The following STXBP4 variants were observed in gnomAD, a reference collection of about 807,000 sequenced individuals.
STXBP4 encodes the protein syntaxin binding protein 4.
Under a neutral mutation model 76.1 loss-of-function variants are expected in STXBP4, and 55 were observed. The ratio of observed to expected loss-of-function variants is 0.72; its 90% CI spans 0.58 to 0.91. The LOEUF (loss-of-function observed/expected upper bound fraction) is 0.91. Among genes scored for constraint, STXBP4 ranks in the 40% least tolerant of loss-of-function variants. STXBP4 has a pLI of 0.00. For missense variants in STXBP4, 618 were observed against 636.9 expected, an observed-to-expected ratio of 0.97 and a Z score of 0.32; for synonymous variants, 201 against 220.2, an observed-to-expected ratio of 0.91 and a Z score of 0.77.
chr17:55,047,563 A>G (rs1287926067), intron 12 of STXBP4, among the ~76,000 whole-genome samples: 1 of 151,822 alleles, frequency 6.6e-6, no homozygotes, highest in Non-Finnish European at 1.5e-5. Flanking sequence ...TTTTACATTT[A>G]TTTGTTAATA....
At chr17:55,057,365 C>G (rs2078939192) in intron 12 of STXBP4, among the ~76,000 whole-genome samples, 4 of 152,178 alleles carry the variant, frequency 2.6e-5, no homozygotes, top group South Asian at 4.1e-4. Context: ...ACTGATGACT[C>G]AATTTACGTG....
chr17:54,991,308 T>TTAGA (rs2077713687), intron 4 of STXBP4: 1 of 154,274 alleles, frequency 6.5e-6, no homozygotes, highest in Non-Finnish European at 1.4e-5. Context: ...CAGTAGAACT[T>TTAGA]TAATTACATT....
intron 8 of STXBP4, among the ~76,000 whole-genome samples, chr17:55,013,449 C>T (rs949619607): frequency 1.3e-5 from 2 of 152,156 alleles, no homozygotes; most frequent in African/African-American, 2.4e-5. Context: ...AATCCATATT[C>T]GGCAGAAGCC....
intron 1 of STXBP4, among the ~76,000 whole-genome samples, chr17:54,982,093 T>C (rs2077558550): frequency 6.6e-6 from 1 of 152,216 alleles, no homozygotes; most frequent in African/African-American, 2.4e-5. Context: ...GAGGGACATT[T>C]GGCAATTTGT....
At chr17:55,023,916 CAA>C (rs61454264) in intron 8 of STXBP4, among the ~76,000 whole-genome samples, 111 of 62,244 alleles carry the variant, frequency 1.8e-3, no homozygotes, top group Middle Eastern at 0.013. Context: ...GGCCCTTTTC[CAA>C]AAAAAAAAAA....
chr17:55,009,971 A>G (rs59792409), intron 8 of STXBP4, among the ~76,000 whole-genome samples: 5,183 of 152,020 alleles, frequency 0.034, 279 homozygotes, highest in African/African-American at 0.12. Flanking sequence ...GACAGATTCA[A>G]CTTTGTTGTC....
At chr17:55,022,013 G>A (rs375085969) in intron 8 of STXBP4, among the ~76,000 whole-genome samples, 2 of 152,044 alleles carry the variant, frequency 1.3e-5, no homozygotes, top group African/African-American at 4.8e-5. Context: ...AAAATTCATG[G>A]CAATCAATAG....
chr17:55,024,014 A>G (rs539414858), intron 8 of STXBP4, among the ~76,000 whole-genome samples: 1 of 152,150 alleles, frequency 6.6e-6, no homozygotes, highest in Non-Finnish European at 1.5e-5. Flanking sequence ...GTACAAATGA[A>G]TGGACTATTT....
chr17:55,160,094 A>C lies in STXBP4; in HGVS notation c.*183A>C, dbSNP rs559264133. 6.9e-5 allele frequency: 32 copies of C among 462,986 alleles called. No individual in the cohort carries two copies. The highest frequency in any genetic ancestry group is 6.2e-4 in the African/African-American group (31 of 50,110). 28.7% of individuals were successfully genotyped at this position (462,986 alleles called of 1,614,324 possible). On this transcript the variant is annotated 3_prime_UTR_variant, in exon 18 of 18. Transcript: ENST00000376352. ...TGATATTTCTGTATACATTTAAAAAATCAATTGCCACTACAGTAGTTCCTT... is the reference window on the plus strand; with the variant it reads ...TGATATTTCTGTATACATTTAAAAACTCAATTGCCACTACAGTAGTTCCTT...
chr17:55,012,869 G>A (rs2078139073), intron 8 of STXBP4, among the ~76,000 whole-genome samples: 1 of 152,172 alleles, frequency 6.6e-6, no homozygotes, highest in Non-Finnish European at 1.5e-5. Flanking sequence ...AGTGGCATAG[G>A]TTTGAGAAAT....
At chr17:55,028,522 T>C (rs1298593789) in intron 8 of STXBP4, among the ~76,000 whole-genome samples, 1 of 152,186 alleles carries the variant, frequency 6.6e-6, no homozygotes, top group Non-Finnish European at 1.5e-5. Flanking sequence ...GGCAATTGTC[T>C]TCAGAGCAGT....
chr17:55,000,712 A>T, intron 6 of STXBP4, 96 bp from the exon 7 acceptor site: 1 of 852,614 alleles, frequency 1.2e-6, no homozygotes. Context: ...AGGGATAATT[A>T]CTTTAATCTC....
At chr17:55,045,284 GT>G (rs752484131) in intron 11 of STXBP4, among the ~76,000 whole-genome samples, 32 of 151,914 alleles carry the variant, frequency 2.1e-4, no homozygotes, top group Admixed American at 9.2e-4. Flanking sequence ...TGCAACAATT[GT>G]TTTGATGGAA....
intron 8 of STXBP4, among the ~76,000 whole-genome samples, chr17:55,026,681 T>C (rs1478895160): frequency 1.3e-5 from 2 of 152,182 alleles, no homozygotes; most frequent in Non-Finnish European, 2.9e-5. Flanking sequence ...AGCATGCATT[T>C]GCAGTCTATG....
At chr17:55,035,370 A>C (rs1598242340) in intron 10 of STXBP4, among the ~76,000 whole-genome samples, 1 of 151,836 alleles carries the variant, frequency 6.6e-6, no homozygotes, top group South Asian at 2.1e-4. Context: ...ATAACCATCT[A>C]TTTCAAAGAA....
At chr17:55,152,423 T>C (rs2080226636) in intron 17 of STXBP4, among the ~76,000 whole-genome samples, 1 of 152,234 alleles carries the variant, frequency 6.6e-6, no homozygotes, top group South Asian at 2.1e-4. Context: ...ACAATTCTTA[T>C]GCATTTCGTG....
At chr17:55,022,957 T>C (rs906005039) in intron 8 of STXBP4, among the ~76,000 whole-genome samples, 2 of 152,218 alleles carry the variant, frequency 1.3e-5, no homozygotes, top group Non-Finnish European at 2.9e-5. Context: ...CCAATGTGTG[T>C]GTATATATGT....
At chr17:55,096,623 T>G (rs1358965098) in intron 16 of STXBP4, among the ~76,000 whole-genome samples, 1 of 152,044 alleles carries the variant, frequency 6.6e-6, no homozygotes, top group Non-Finnish European at 1.5e-5. Flanking sequence ...TTTTTTTTTT[T>G]TTTAAGAATA....
chr17:55,000,517 A>G (rs1328632163), intron 6 of STXBP4, among the ~76,000 whole-genome samples: 1 of 152,208 alleles, frequency 6.6e-6, no homozygotes, highest in Non-Finnish European at 1.5e-5. Context: ...GAGACAGAGT[A>G]TAAGATTTTC....
Sources: gnomAD v4.1 joint callset for allele counts (sites outside exome capture counted in the v4.1 genomes callset) on GRCh38, gnomAD v4.1.1 for gene constraint, MANE v1.5 for transcripts, NCBI Gene and HGNC (gene_info 2026-07-23, HGNC 2026-07-21) for gene names.